The following LRRN4 variants were observed in gnomAD, a reference collection of about 807,000 sequenced individuals.
The protein encoded by LRRN4 is leucine rich repeat neuronal 4, also known as leucine-rich repeat neuronal protein 4.
In LRRN4, 26 loss-of-function variants were observed where a neutral mutation model predicts 22.3. That is an observed-to-expected ratio of 1.16 (90% CI 0.85 to 1.62). LRRN4 has a LOEUF of 1.62. Among genes scored for constraint, LRRN4 ranks in the 40% most tolerant of loss-of-function variants. The pLI is 0.00. For synonymous variants in LRRN4, 496 were observed against 486.2 expected (o/e 1.02, Z -0.26); for missense variants, 1,070 against 1,008.5 (o/e 1.06, Z -0.83).
At chr20:6,053,026 T>G (rs1981305363) in intron 1 of LRRN4, among the ~76,000 whole-genome samples, 1 of 152,140 alleles carries the variant, frequency 6.6e-6, no homozygotes, top group South Asian at 2.1e-4. Context: ...TGATACCCCC[T>G]GCTCTTCCTC....
chr20:6,051,147 G>A (rs1256047516), intron 2 of LRRN4, among the ~76,000 whole-genome samples, 164 bp from the exon 3 acceptor site: 1 of 152,252 alleles, frequency 6.6e-6, no homozygotes, highest in Non-Finnish European at 1.5e-5. Flanking sequence ...GGTCATTTCA[G>A]CTGGAAGGGT....
At chr20:6,047,425 T>TACACACACACAC (rs57188958) in intron 3 of LRRN4, among the ~76,000 whole-genome samples, 1 of 128,378 alleles carries the variant, frequency 7.8e-6, no homozygotes, top group Non-Finnish European at 1.8e-5. Flanking sequence ...CAGACACACA[T>TACACACACACAC]ACACACACAC....
chr20:6,046,550 C>G (rs1981103520), intron 3 of LRRN4, among the ~76,000 whole-genome samples: 1 of 148,582 alleles, frequency 6.7e-6, no homozygotes, highest in Admixed American at 6.8e-5. Context: ...TTTACATGTA[C>G]TCAGTGATAA....
intron 3 of LRRN4, among the ~76,000 whole-genome samples, chr20:6,049,848 T>C (rs1298220493): frequency 6.6e-6 from 1 of 152,108 alleles, no homozygotes; most frequent in Non-Finnish European, 1.5e-5. Context: ...CCTCGCATTA[T>C]AATTAGCACC....
rs147438354 is a variant in LRRN4, at chr20:6,042,134, C to G, written c.1111G>C (p.Gly371Arg). 2.2e-5 allele frequency: 36 copies of G among 1,614,118 alleles called. No individual in the cohort carries two copies. The African/African-American group carries it at 3.9e-4, about 17-fold the overall frequency. ...TTGAAGCAAGGTGGGTGTGAAGCCC[C>G]GAGAGTGGTGCTTTGGTCGGACTGG... is the stretch of plus-strand genomic sequence containing the variant. The part of the protein sequence containing the change: ...VCQSDQSTTL[G>R]ASHPPCFNRS... The change falls in exon 5 of 5, where the codon GGG (glycine) becomes CGG (arginine). Residue 371 changes from glycine (G) to arginine (R), a missense_variant. By Grantham distance (125) the Gly-to-Arg change is moderately radical (BLOSUM62 -2). Transcript: ENST00000378858.
In LRRN4 at chr20:6,041,422, T is replaced by G; in HGVS notation, c.1823A>C (p.His608Pro). ...CGCAGAGTAGCGGATCTGGTACCCA[T>G]GCACTACCGAGTTGGGGGCACACCA... ...VHWCAPNSVV[H>P]GYQIRYSAEG... The change falls in exon 5 of 5, where the codon CAT becomes CCT. Residue 608 changes from histidine (H) to proline (P), a missense_variant. Transcript: ENST00000378858. This position sits in a 1 kb window ranked among gnomAD's most constrained non-coding sequence, Gnocchi z 9.4. 6.4e-7 allele frequency: 1 copy of G among 1,558,548 alleles called. No individual in the cohort carries two copies.
chr20:6,050,900 C>G lies in LRRN4; in HGVS notation c.739G>C (p.Asp247His), dbSNP rs757844567. ...AGGTTGGGGGTCATCTTGAAAATGTCCCCCTCCAGGGTCGTCAGCCGAGGC... is the reference window on the plus strand; with the variant it reads ...AGGTTGGGGGTCATCTTGAAAATGTGCCCCTCCAGGGTCGTCAGCCGAGGC... ...KMPRLTTLEG[D>H]IFKMTPNLQQ... Residue 247 changes from aspartate to histidine, a missense_variant, in exon 3 of 5, where the codon GAC becomes CAC. Transcript: ENST00000378858. The G allele has an allele frequency of 6.2e-7, 1 of 1,614,114 alleles. No homozygotes were observed. The highest frequency in any genetic ancestry group is 1.1e-5 in the South Asian group (1 of 91,062).
rs1364242435 is a variant in LRRN4, at chr20:6,050,963, C to T, written c.676G>A (p.Asp226Asn). ...TAGAGGGATGTGAGCTTCGGCAGGT[C>T]TCTGATCCACCCTGACTCAACTGAA... is the stretch of plus-strand genomic sequence containing the variant. ...LERVESGWIR[D>N]LPKLTSLYLR... The change falls in exon 3 of 5, where the codon GAC becomes AAC. Residue 226 changes from aspartate to asparagine, a missense_variant. Asp to Asn is a conservative substitution (Grantham distance 23, BLOSUM62 1). Transcript: ENST00000378858. The T allele has an allele frequency of 1.9e-6, 3 of 1,613,982 alleles. No homozygotes were observed. In the South Asian group the frequency reaches 3.3e-5, roughly 18 times the overall value.
At chr20:6,045,999 G>A (rs1019752860) in intron 3 of LRRN4, among the ~76,000 whole-genome samples, 18 of 149,368 alleles carry the variant, frequency 1.2e-4, no homozygotes, top group Non-Finnish European at 2.3e-4. Flanking sequence ...AGCTTCAAGA[G>A]GTAGAGCAAT....
In LRRN4 at chr20:6,052,197, C is replaced by A; in HGVS notation, c.603G>T (p.Ala201=). The stretch of plus-strand genomic sequence containing the variant: ...CCAGGACTTCGAGCGTGACCAGGGG[C>A]GCGCCATCCTCTCCAGCGAACGCCG... ...AEAAFAGEDG[A]PLVTLEVLDL... is the part of the protein sequence containing the mutation. The change falls in exon 2 of 5, where the codon GCG becomes GCT. Residue 201 remains alanine, a synonymous_variant. Transcript: ENST00000378858. The A allele has an allele frequency of 6.3e-7, 1 of 1,596,312 alleles. No homozygotes were observed. Among genetic ancestry groups the A allele is most frequent in the Non-Finnish European group, 8.5e-7 (1 of 1,172,488 alleles).
Position 6,050,786 on chromosome 20 carries a change from A to G in LRRN4, c.853T>C (p.Phe285Leu), listed in dbSNP as rs749825335. Residue 285 changes from phenylalanine to leucine, a missense_variant, in exon 3 of 5, where the codon TTC (phenylalanine) becomes CTC (leucine). Coordinates refer to ENST00000378858, the MANE Select transcript of LRRN4 (RefSeq NM_152611.5). ...QDTPHLQVLL[F>L]QNCNLSSFPP... ...TGCCTCAGAAGCACTTACTTCTGGA[A>G]CAGAAGGACCTGTAGATGTGGAGTA... The G allele has an allele frequency of 4.3e-6, 7 of 1,613,440 alleles. No individual in the cohort carries two copies. In the Admixed American group the frequency reaches 8.4e-5, roughly 19 times the overall value.
intron 4 of LRRN4, among the ~76,000 whole-genome samples, chr20:6,043,350 G>A (rs959677735): frequency 2.6e-5 from 4 of 152,192 alleles, no homozygotes; most frequent in Non-Finnish European, 4.4e-5. Flanking sequence ...AGTAGTCTGA[G>A]GCTGCAGTGA....
intron 4 of LRRN4, among the ~76,000 whole-genome samples, chr20:6,044,040 T>A (rs776660910): frequency 6.6e-6 from 1 of 152,182 alleles, no homozygotes; most frequent in African/African-American, 2.4e-5. Context: ...CAGCTCCCAC[T>A]GTCTCCTGGT....
In LRRN4 at chr20:6,047,100, G is replaced by A. The variant is rs1600406315; in HGVS notation, c.861-2420C>T. On this transcript the variant is annotated intron_variant, in intron 3 of 4. Coordinates refer to ENST00000378858, the MANE Select transcript of LRRN4 (RefSeq NM_152611.5). ...AAGAAAATTATTCTTAGGGGAAAAGGTACAATTCGCTTTGGTGGTTCTTTC... is the reference window on the plus strand; with the variant it reads ...AAGAAAATTATTCTTAGGGGAAAAGATACAATTCGCTTTGGTGGTTCTTTC... Among the ~76,000 whole-genome samples the A allele has an allele frequency of 2.0e-5, 3 of 152,204 alleles. No individual in the cohort carries two copies. The South Asian group carries it at 6.2e-4, about 32-fold the overall frequency.
At chr20:6,047,713 C>G (rs769594634) in intron 3 of LRRN4, among the ~76,000 whole-genome samples, 9 of 151,272 alleles carry the variant, frequency 5.9e-5, no homozygotes, top group Non-Finnish European at 5.9e-5. Context: ...GTCACTTGAA[C>G]CTGGGAGGTG....
intron 3 of LRRN4, among the ~76,000 whole-genome samples, chr20:6,047,747 A>C (rs6076919): frequency 0.098 from 14,785 of 150,774 alleles, 880 homozygotes; most frequent in Middle Eastern, 0.21. Flanking sequence ...GCTGAGATAG[A>C]GCCACTGCAC....
In LRRN4 at chr20:6,053,886, C is replaced by T. The variant is rs1884642; in HGVS notation, c.-62G>A. On this transcript the variant is annotated 5_prime_UTR_variant, in exon 1 of 5. Coordinates refer to ENST00000378858, the MANE Select transcript of LRRN4 (RefSeq NM_152611.5). Reference sequence around the variant, plus strand: ...CTGGATGCACCTCTGAAGTTCTCAGCTTTGTTTTATAGATTCTAGGGACCA... The same window carrying T: ...CTGGATGCACCTCTGAAGTTCTCAGTTTTGTTTTATAGATTCTAGGGACCA... 0.4 allele frequency: 60,717 copies of T among 152,018 alleles called. 12,661 individuals carry two copies. The highest frequency in any genetic ancestry group is 0.53 in the Admixed American group (8,086 of 15,284). The allele number at this position is 152,018 out of a possible 1,614,324, so 9.4% of individuals were successfully genotyped here.
At position 6,052,206 on chromosome 20, in the gene LRRN4, C is replaced by T; in HGVS notation, c.594G>A (p.Glu198=). The T allele has an allele frequency of 6.3e-7, 1 of 1,594,424 alleles. No homozygotes were observed. The highest frequency in any genetic ancestry group is 8.5e-7 in the Non-Finnish European group (1 of 1,171,456). The part of the protein sequence containing the change: ...GGIAEAAFAG[E]DGAPLVTLEV... ...CGAGCGTGACCAGGGGCGCGCCATCCTCTCCAGCGAACGCCGCCTCGGCGA... is the reference window on the plus strand; with the variant it reads ...CGAGCGTGACCAGGGGCGCGCCATCTTCTCCAGCGAACGCCGCCTCGGCGA... The change falls in exon 2 of 5, where the codon GAG becomes GAA. Residue 198 remains glutamate, a synonymous_variant. Transcript: ENST00000378858.
intron 3 of LRRN4, among the ~76,000 whole-genome samples, chr20:6,049,791 T>A (rs1478730859): frequency 6.6e-6 from 1 of 151,364 alleles, no homozygotes; most frequent in Non-Finnish European, 1.5e-5. Flanking sequence ...GCATGAGCCA[T>A]CATGCCTGGC....
Sources: allele counts gnomAD v4.1 joint callset (sites outside exome capture counted in the v4.1 genomes callset), GRCh38; gene constraint gnomAD v4.1.1; non-coding constraint Gnocchi (gnomAD v3.1); transcripts MANE v1.5; gene names NCBI Gene and HGNC (gene_info 2026-07-23, HGNC 2026-07-21).